ITPR2: variants seen among roughly 807,000 people sequenced by gnomAD.
ITPR2 encodes the protein inositol 1,4,5-trisphosphate-gated calcium channel ITPR2.
Under a neutral mutation model 317.1 loss-of-function variants are expected in ITPR2, and 207 were observed. That is an observed-to-expected ratio of 0.65 (90% confidence interval 0.58 to 0.73). The LOEUF (loss-of-function observed/expected upper bound fraction) is 0.73. ITPR2 is among the 30% of genes least tolerant of loss of function. The pLI, the probability that ITPR2 is intolerant of heterozygous loss-of-function variation, is 0.00. For synonymous variants in ITPR2, 1,156 were observed against 1,149.1 expected, an observed-to-expected ratio of 1.01 and a Z score of -0.12; for missense variants, 2,613 against 3,284.0, an observed-to-expected ratio of 0.80 and a Z score of 4.99.
At chr12:26,622,079 C>G (rs1246364432) in intron 25 of ITPR2, among the ~76,000 whole-genome samples, 161 bp downstream of exon 25, 1 of 152,136 alleles carries the variant, frequency 6.6e-6, no homozygotes, top group Non-Finnish European at 1.5e-5. Context: ...AAATAGATCA[C>G]GTCCTGGCAT....
chr12:26,607,208 C>A (rs1946151760), intron 26 of ITPR2, among the ~76,000 whole-genome samples: 1 of 152,180 alleles, frequency 6.6e-6, no homozygotes, highest in Non-Finnish European at 1.5e-5. Context: ...CTGGTGCAAC[C>A]ATTCTTTAAA....
chr12:26,811,143 T>G (rs1402226305), intron 1 of ITPR2, among the ~76,000 whole-genome samples: 1 of 152,018 alleles, frequency 6.6e-6, no homozygotes, highest in South Asian at 2.1e-4. Flanking sequence ...AGTTTTAAAA[T>G]GACTGCCTAA....
chr12:26,587,147 A>T (rs533389490), intron 32 of ITPR2, among the ~76,000 whole-genome samples: 1 of 151,854 alleles, frequency 6.6e-6, no homozygotes, highest in East Asian at 1.9e-4. Context: ...TTTTAGCTTC[A>T]TATGACATTT....
intron 2 of ITPR2, among the ~76,000 whole-genome samples, chr12:26,733,313 C>CAA (rs1200350846): frequency 2.0e-5 from 1 of 49,582 alleles, no homozygotes; most frequent in Non-Finnish European, 4.4e-5. Flanking sequence ...GACTCCATCT[C>CAA]AAAAAAAAAA....
At position 26,715,380 on chromosome 12, in the gene ITPR2, T is replaced by C. The variant is rs774885007; in HGVS notation, c.774A>G (p.Lys258=). 2.5e-6 allele frequency: 4 copies of C among 1,613,624 alleles called. No homozygotes were observed. In the South Asian group the frequency reaches 4.4e-5, roughly 18 times the overall value. Residue 258 remains lysine (K), a synonymous_variant, in exon 8 of 57, where the codon AAA becomes AAG. Coordinates refer to ENST00000381340, the MANE Select transcript of ITPR2 (RefSeq NM_002223.4). ...TCGTACGAAGGAAAATGTGCTGTTTTTTCTCATATTCATCACAAGTCAAAA... is the reference window on the plus strand; with the variant it reads ...TCGTACGAAGGAAAATGTGCTGTTTCTTCTCATATTCATCACAAGTCAAAA... The part of the protein sequence containing the change: ...EKFLTCDEYE[K]KQHIFLRTTL...
intron 2 of ITPR2, among the ~76,000 whole-genome samples, chr12:26,771,104 C>T (rs1443107076): frequency 6.6e-6 from 1 of 152,128 alleles, no homozygotes; most frequent in Non-Finnish European, 1.5e-5. Flanking sequence ...ATCTCAAGAT[C>T]CTTAATTTAA....
intron 51 of ITPR2, among the ~76,000 whole-genome samples, chr12:26,413,660 T>G (rs890224510): frequency 1.3e-5 from 2 of 152,218 alleles, no homozygotes; most frequent in African/African-American, 4.8e-5. Flanking sequence ...CTTTGTTAAC[T>G]GTCCCCATAT....
rs776322190 is a variant in ITPR2, at chr12:26,483,718, C to G, written c.5992G>C (p.Gly1998Arg). The change falls in exon 42 of 57, where the codon GGC (glycine) becomes CGC (arginine). Residue 1998 changes from glycine (G) to arginine (R), a missense_variant. Gly to Arg is a moderately radical substitution (Grantham distance 125). This residue lies in a region of ITPR2 where 926 missense variants were observed against 1,072.8 expected (regional missense o/e 0.86). Coordinates refer to ENST00000381340, the MANE Select transcript of ITPR2 (RefSeq NM_002223.4). ...NLESLTEYCQ[G>R]PCHENQTCIA... ...GTTACCTGATTTTCATGGCAAGGGC[C>G]CTGGCAATACTCAGTCAAGCTCTCC... 1.2e-6 allele frequency: 2 copies of G among 1,613,996 alleles called. No homozygotes were observed. Among genetic ancestry groups the G allele is most frequent in the Non-Finnish European group, 1.7e-6 (2 of 1,179,870 alleles).
rs147636303 is a variant in ITPR2 at position 26,434,984 on chromosome 12, T to C, written c.6769+1237A>G. ...TGGTGTATTTGCAGTTGCTCTATAA[T>C]GGATGGCCAAATATTTGCTACATTT... On this transcript the variant is annotated intron_variant, in intron 48 of 56. Coordinates refer to ENST00000381340, the MANE Select transcript of ITPR2 (RefSeq NM_002223.4). Among the ~76,000 whole-genome samples the C allele has an allele frequency of 7.2e-4, 110 of 152,348 alleles. 3 individuals are homozygous for C. In the East Asian group the frequency reaches 0.018, roughly 24 times the overall value.
At chr12:26,514,774 G>T (rs190699854) in intron 37 of ITPR2, among the ~76,000 whole-genome samples, 1 of 147,710 alleles carries the variant, frequency 6.8e-6, no homozygotes, top group African/African-American at 2.4e-5. Context: ...ATTTGGTTAC[G>T]CACAATAATA....
intron 37 of ITPR2, among the ~76,000 whole-genome samples, chr12:26,500,053 T>A (rs1419664661): frequency 6.6e-6 from 1 of 152,152 alleles, no homozygotes; most frequent in Non-Finnish European, 1.5e-5. Context: ...AATAAAAAAA[T>A]TCAGATATTG....
rs1319928442 is a variant in ITPR2 at position 26,561,963 on chromosome 12, A to G, written c.4631-11T>C. On this transcript the variant is annotated splice_polypyrimidine_tract_variant and intron_variant, in intron 34 of 56. Coordinates refer to ENST00000381340, the MANE Select transcript of ITPR2 (RefSeq NM_002223.4). ...TTCCACGATTTTTTGCTGAAAAAGA[A>G]AGATTTAAAATATTTCCCTCTTAAT... The G allele has an allele frequency of 6.6e-7, 1 of 1,505,736 alleles. No homozygotes were observed. The highest frequency in any genetic ancestry group is 8.8e-7 in the Non-Finnish European group (1 of 1,133,246). The allele number at this position is 1,505,736 out of a possible 1,614,324, so 93.3% of individuals were successfully genotyped here.
intron 1 of ITPR2, among the ~76,000 whole-genome samples, chr12:26,822,609 T>G (rs571368829): frequency 6.6e-6 from 1 of 152,300 alleles, no homozygotes; most frequent in South Asian, 2.1e-4. Context: ...GAAGAAAAAC[T>G]ACTATGAAAT....
In ITPR2 at chr12:26,516,270, AGGAAGGGAAG is replaced by A. The variant is rs1591847735; in HGVS notation, c.5074-21020_5074-21011del. Among the ~76,000 whole-genome samples, 34 of 38,982 alleles carry A rather than the reference AGGAAGGGAAG, an allele frequency of 8.7e-4. 3 individuals are homozygous for A. The highest frequency in any genetic ancestry group is 2.9e-3 in the African/African-American group (32 of 10,904). The allele number at this position is 38,982 out of a possible 152,430, so 25.6% of individuals were successfully genotyped here. On this transcript the variant is annotated intron_variant, in intron 37 of 56. Transcript: ENST00000381340. ...AGGAAAGGAAAGGAAAGGAAAGGAA[AGGAAGGGAAG>A]GGAAGGGAAAGGAAAGGAAAGGAAA...
chr12:26,719,836 T>C (rs972171422), intron 5 of ITPR2, among the ~76,000 whole-genome samples: 4 of 152,198 alleles, frequency 2.6e-5, no homozygotes, highest in African/African-American at 4.8e-5. Flanking sequence ...GAGTTTCTTT[T>C]TTCAAGAGTT....
intron 34 of ITPR2, among the ~76,000 whole-genome samples, chr12:26,567,955 T>TA (rs1945022810): frequency 3.7e-4 from 3 of 8,040 alleles, no homozygotes; most frequent in Non-Finnish European, 1.4e-3. Flanking sequence ...ATATATTATA[T>TA]ATATATATAT....
chr12:26,494,030 A>AT lies in ITPR2; in HGVS notation c.5370+122dup, dbSNP rs11291225. On this transcript the variant is annotated intron_variant, in intron 39 of 56. Transcript: ENST00000381340. Reference sequence around the variant, plus strand: ...AATTTAAGAAAAGTGTGATACATGGATTTTTTTTTTTTTAGATAGTAATAA... The same window carrying AT: ...AATTTAAGAAAAGTGTGATACATGGATTTTTTTTTTTTTTAGATAGTAATAA... 3,038 of 489,124 alleles carry AT rather than the reference A, an allele frequency of 6.2e-3. 1 individual carries two copies. The highest frequency in any genetic ancestry group is 0.047 in the East Asian group (1,218 of 26,076). The allele number at this position is 489,124 out of a possible 1,614,324, so 30.3% of individuals were successfully genotyped here.
intron 23 of ITPR2, among the ~76,000 whole-genome samples, chr12:26,626,243 G>T (rs891559448): frequency 6.6e-6 from 1 of 152,154 alleles, no homozygotes; most frequent in Non-Finnish European, 1.5e-5. Flanking sequence ...GGGATTACAG[G>T]CGTGAGCCAC....
chr12:26,380,829 G>T (rs1441034770), intron 55 of ITPR2, among the ~76,000 whole-genome samples: 1 of 152,174 alleles, frequency 6.6e-6, no homozygotes, highest in Non-Finnish European at 1.5e-5. Flanking sequence ...AACTAAACAA[G>T]ACTGATTTTG....
Sources: gnomAD v4.1 joint callset for allele counts (sites outside exome capture counted in the v4.1 genomes callset) on GRCh38, gnomAD v4.1.1 for gene constraint, gnomAD v4.1.1 regional missense constraint, MANE v1.5 for transcripts, NCBI Gene and HGNC (gene_info 2026-07-23, HGNC 2026-07-21) for gene names.